The following APOO variants were observed in gnomAD, a reference collection of about 807,000 sequenced individuals.
APOO encodes the protein apolipoprotein O, also known as MICOS complex subunit MIC26.
Under a neutral mutation model 23.1 loss-of-function variants are expected in APOO, and 11 were observed. The observed-to-expected ratio is 0.48, with a 90% CI of 0.30 to 0.79. The LOEUF is 0.79. APOO is among the 30% of genes least tolerant of loss of function. The pLI is 0.07. For synonymous variants in APOO, 59 were observed against 54.8 expected (o/e 1.08, Z -0.34); for missense variants, 160 against 142.7 (o/e 1.12, Z -0.62).
chrX:23,853,323 T>TG (rs200836822), intron 7 of APOO, among the ~76,000 whole-genome samples: 7,852 of 108,877 alleles, frequency 0.072, 645 homozygotes, highest in African/African-American at 0.23. Context: ...AAATCTAAAG[T>TG]GGGGGGGGTG....
At chrX:23,874,722 C>T (rs1925765262) in intron 3 of APOO, among the ~76,000 whole-genome samples, 1 of 111,495 alleles carries the variant, frequency 9.0e-6, no homozygotes, top group South Asian at 3.7e-4. Context: ...CCAGCCATTT[C>T]ACTCTTCCAT....
intron 1 of APOO, 55 bp downstream of exon 1, chrX:23,907,639 G>A: frequency 8.8e-7 from 1 of 1,136,164 alleles, no homozygotes; most frequent in East Asian, 3.4e-5. Flanking sequence ...CGCGGGGAGG[G>A]CTCGGGCGGC....
At chrX:23,890,177 T>C (rs779491424) in intron 1 of APOO, among the ~76,000 whole-genome samples, 1 of 111,971 alleles carries the variant, frequency 8.9e-6, no homozygotes, top group South Asian at 3.6e-4. Context: ...AAATGAAAAC[T>C]GTCCTAAATA....
At chrX:23,861,325 TCTCTTG>T (rs1412017423) in intron 5 of APOO, among the ~76,000 whole-genome samples, 1 of 109,626 alleles carries the variant, frequency 9.1e-6, no homozygotes, top group African/African-American at 3.3e-5. Flanking sequence ...CCCACCTCTT[TCTCTTG>T]CTCGCACTCT....
Position 23,849,753 on chromosome X carries a change from G to T in APOO, c.561+6549C>A, listed in dbSNP as rs187925615. 5.2e-3 allele frequency among the ~76,000 whole-genome samples: 564 copies of T among 108,183 alleles called. 1 individual carries two copies. Among genetic ancestry groups the T allele is most frequent in the Non-Finnish European group, 8.8e-3 (457 of 52,210 alleles). 93.9% of individuals were successfully genotyped at this position (108,183 alleles called of 115,157 possible). On this transcript the variant is annotated intron_variant, in intron 7 of 8. Transcript: ENST00000379226. Reference sequence around the variant, plus strand: ...CTAAAAATACAAAAATTAGGCGGGGGCGGTGGCGTGCGCCTGCAGTCCCAG... The same window carrying T: ...CTAAAAATACAAAAATTAGGCGGGGTCGGTGGCGTGCGCCTGCAGTCCCAG...
chrX:23,904,840 T>C (rs1395289541), intron 1 of APOO, among the ~76,000 whole-genome samples: 1 of 111,485 alleles, frequency 9.0e-6, no homozygotes, highest in East Asian at 2.8e-4. Context: ...GAGCCTGGAA[T>C]CCATTCTTCC....
In APOO at chrX:23,880,352, GT is replaced by G. The variant is rs1190792816; in HGVS notation, c.117+492del. On this transcript the variant is annotated intron_variant, in intron 2 of 8. Coordinates refer to ENST00000379226, the MANE Select transcript of APOO (RefSeq NM_024122.5). ...AAGTTTATCTGTTGAAAAAGCCATA[GT>G]TTAATATTTCCCACAAATTAAACAA... Among the ~76,000 whole-genome samples, 7 of 111,762 alleles carry G rather than the reference GT, an allele frequency of 6.3e-5. No homozygotes were observed. In the East Asian group the frequency reaches 2.0e-3, roughly 31 times the overall value.
chrX:23,884,353 T>C (rs1462991126), intron 1 of APOO, among the ~76,000 whole-genome samples: 4 of 110,045 alleles, frequency 3.6e-5, no homozygotes, highest in East Asian at 2.9e-4. Flanking sequence ...GAAAGTAGAA[T>C]TGAGATAGTT....
At chrX:23,870,358 C>T (rs947541366) in intron 4 of APOO, among the ~76,000 whole-genome samples, 33 of 111,646 alleles carry the variant, frequency 3.0e-4, no homozygotes, top group Non-Finnish European at 5.8e-4. Flanking sequence ...TCCTATAGTA[C>T]CCTGTGTTTA....
At chrX:23,852,983 C>A (rs1326273826) in intron 7 of APOO, among the ~76,000 whole-genome samples, 1 of 110,359 alleles carries the variant, frequency 9.1e-6, no homozygotes, top group East Asian at 2.8e-4. Flanking sequence ...CAAGGCCGGG[C>A]GTGGTGGCTC....
intron 7 of APOO, among the ~76,000 whole-genome samples, chrX:23,855,019 T>C (rs930682541): frequency 9.3e-6 from 1 of 107,906 alleles, no homozygotes; most frequent in African/African-American, 3.4e-5. Flanking sequence ...TAAAAATTAG[T>C]GGGGTTTTTT....
chrX:23,863,956 G>A (rs1042889051), intron 5 of APOO, among the ~76,000 whole-genome samples: 7 of 110,046 alleles, frequency 6.4e-5, no homozygotes, highest in African/African-American at 2.3e-4. Flanking sequence ...TTTTTGCTGT[G>A]GGACCCATAT....
intron 7 of APOO, among the ~76,000 whole-genome samples, chrX:23,841,579 A>G (rs1016226627): frequency 9.1e-6 from 1 of 109,385 alleles, no homozygotes; most frequent in East Asian, 2.9e-4. Flanking sequence ...CTGGGAAACA[A>G]GGCCATACGA....
chrX:23,878,712 ATT>A (rs1925966087), intron 3 of APOO, among the ~76,000 whole-genome samples: 4 of 276 alleles, frequency 0.014, no homozygotes, highest in Non-Finnish European at 0.026. Flanking sequence ...GGTTTTATTC[ATT>A]CTTGCTACTT....
At chrX:23,886,839 T>C (rs1926387088) in intron 1 of APOO, among the ~76,000 whole-genome samples, 1 of 111,762 alleles carries the variant, frequency 8.9e-6, no homozygotes, top group African/African-American at 3.2e-5. Context: ...GCCAGGTGGT[T>C]ATCATAATTT....
intron 7 of APOO, among the ~76,000 whole-genome samples, chrX:23,849,754 C>A (rs1327762927): frequency 9.3e-6 from 1 of 107,652 alleles, no homozygotes; most frequent in African/African-American, 3.4e-5. Flanking sequence ...TAGGCGGGGG[C>A]GGTGGCGTGC....
chrX:23,865,788 A>G (rs1338172006), intron 5 of APOO, among the ~76,000 whole-genome samples: 2 of 110,829 alleles, frequency 1.8e-5, no homozygotes, highest in African/African-American at 6.6e-5. Context: ...AGGTCTTTCT[A>G]TACCCAACGC....
intron 5 of APOO, among the ~76,000 whole-genome samples, chrX:23,862,285 A>G (rs1925089914): frequency 9.0e-6 from 1 of 111,662 alleles, no homozygotes; most frequent in Non-Finnish European, 1.9e-5. Context: ...ACATTAAAAG[A>G]AAAAAATAAT....
intron 8 of APOO, among the ~76,000 whole-genome samples, chrX:23,839,669 C>G (rs777068328): frequency 2.7e-4 from 30 of 111,970 alleles, no homozygotes; most frequent in African/African-American, 8.7e-4. Flanking sequence ...TACACACTTT[C>G]TGTCGTATCT....
Sources: gnomAD v4.1 joint callset for allele counts (sites outside exome capture counted in the v4.1 genomes callset) on GRCh38, gnomAD v4.1.1 for gene constraint, MANE v1.5 for transcripts, NCBI Gene and HGNC (gene_info 2026-07-23, HGNC 2026-07-21) for gene names.